PTPRA: variants seen among roughly 807,000 people sequenced by gnomAD.
PTPRA encodes protein tyrosine phosphatase receptor type A.
A neutral mutation model predicts 104.8 loss-of-function variants in PTPRA; 25 were observed. The ratio of observed to expected loss-of-function variants is 0.24; its 90% CI spans 0.17 to 0.33. The LOEUF is 0.33. Among genes scored for constraint, PTPRA ranks in the 10% least tolerant of loss-of-function variants. The probability of loss-of-function intolerance (pLI) is 1.00; values close to 1 mark genes in which losing one functional copy is unlikely to be tolerated. For synonymous variants in PTPRA, 323 were observed against 368.9 expected, an observed-to-expected ratio of 0.88 and a Z score of 1.43; for missense variants, 765 against 1,015.3, an observed-to-expected ratio of 0.75 and a Z score of 3.35.
At chr20:2,985,593 TG>T (rs2062865610) in intron 6 of PTPRA, among the ~76,000 whole-genome samples, 1 of 151,952 alleles carries the variant, frequency 6.6e-6, no homozygotes, top group African/African-American at 2.4e-5. Context: ...GGCTAGGTAT[TG>T]GGTGAAAGGG....
intron 2 of PTPRA, among the ~76,000 whole-genome samples, chr20:2,932,707 A>G (rs1325278921): frequency 6.6e-6 from 1 of 152,206 alleles, no homozygotes; most frequent in Non-Finnish European, 1.5e-5. Context: ...CAAAGGAAGG[A>G]TATGTTTTCT....
chr20:2,902,743 T>A (rs1177038110), intron 1 of PTPRA, among the ~76,000 whole-genome samples: 1 of 152,216 alleles, frequency 6.6e-6, no homozygotes, highest in Non-Finnish European at 1.5e-5. Flanking sequence ...GATTTTAATT[T>A]GAGAATTTTA....
At chr20:2,938,291 TCTC>T (rs1217781319) in intron 2 of PTPRA, among the ~76,000 whole-genome samples, 12 of 152,114 alleles carry the variant, frequency 7.9e-5, no homozygotes, top group Admixed American at 7.9e-4. Context: ...TTCAAGCAAT[TCTC>T]CTGCGTCAGC....
At chr20:2,913,343 A>G (rs1006344889) in intron 1 of PTPRA, among the ~76,000 whole-genome samples, 1 of 152,196 alleles carries the variant, frequency 6.6e-6, no homozygotes, top group African/African-American at 2.4e-5. Context: ...GTGTCACTGC[A>G]TTCCAGCCTG....
At chr20:2,988,746 GT>G (rs1462257181) in intron 9 of PTPRA, among the ~76,000 whole-genome samples, 1 of 152,184 alleles carries the variant, frequency 6.6e-6, no homozygotes, top group East Asian at 1.9e-4. Context: ...TCTAATATTT[GT>G]CAGGTAATAT....
At chr20:2,972,894 T>C (rs1327732836) in intron 5 of PTPRA, among the ~76,000 whole-genome samples, 1 of 151,640 alleles carries the variant, frequency 6.6e-6, no homozygotes, top group African/African-American at 2.4e-5. Context: ...ATTTTTTGTA[T>C]TTTTTTGTAG....
At chr20:3,026,009 G>T (rs1270853382) in intron 17 of PTPRA, among the ~76,000 whole-genome samples, 1 of 150,356 alleles carries the variant, frequency 6.7e-6, no homozygotes, top group Non-Finnish European at 1.5e-5. Context: ...GCAATGGCGC[G>T]ATCTCAGCTC....
At chr20:2,953,311 G>C (rs1231482076) in intron 3 of PTPRA, among the ~76,000 whole-genome samples, 1 of 151,744 alleles carries the variant, frequency 6.6e-6, no homozygotes, top group Admixed American at 6.6e-5. Context: ...CTGAAGTGTA[G>C]TGGCGCAATC....
intron 1 of PTPRA, among the ~76,000 whole-genome samples, chr20:2,902,041 A>G (rs115603586): frequency 0.042 from 6,434 of 151,914 alleles, 314 homozygotes; most frequent in Admixed American, 0.11. Context: ...GAGCATTACC[A>G]CACTGGCTAA....
chr20:2,943,409 C>G (rs988322794), intron 2 of PTPRA, among the ~76,000 whole-genome samples: 1 of 152,112 alleles, frequency 6.6e-6, no homozygotes, highest in African/African-American at 2.4e-5. Context: ...GGAGAATTCC[C>G]TCTTGCGTGG....
intron 3 of PTPRA, among the ~76,000 whole-genome samples, chr20:2,951,042 C>T (rs2061335708): frequency 6.6e-6 from 1 of 152,122 alleles, no homozygotes; most frequent in African/African-American, 2.4e-5. Flanking sequence ...GAGTTTTATA[C>T]AAGTGAAATC....
At chr20:3,018,167 C>T (rs1301322381) in intron 13 of PTPRA, among the ~76,000 whole-genome samples, 1 of 152,192 alleles carries the variant, frequency 6.6e-6, no homozygotes, top group Non-Finnish European at 1.5e-5. Flanking sequence ...AAGAGACTGA[C>T]TTGGGCCATC....
chr20:2,938,201 T>C (rs2060778105), intron 2 of PTPRA, among the ~76,000 whole-genome samples: 1 of 152,126 alleles, frequency 6.6e-6, no homozygotes, highest in Non-Finnish European at 1.5e-5. Context: ...TTTCCTTTTT[T>C]TGAGACGGAG....
chr20:2,894,368 T>TA (rs1370592601), intron 1 of PTPRA, among the ~76,000 whole-genome samples: 1 of 152,220 alleles, frequency 6.6e-6, no homozygotes, highest in East Asian at 1.9e-4. Flanking sequence ...CAAACCCAAA[T>TA]ACGTTTTTCA....
At position 3,022,147 on chromosome 20, in the gene PTPRA, G is replaced by A; in HGVS notation, c.1255G>A (p.Gly419Ser). The change falls in exon 15 of 24, where the codon GGC becomes AGC. Residue 419 changes from glycine (G) to serine (S), a missense_variant. Gly to Ser is a moderately conservative substitution (Grantham distance 56). Transcript: ENST00000399903. The surrounding 1 kb of genome is among the most constrained non-coding windows in gnomAD (Gnocchi z 4.6). Reference sequence around the variant, plus strand: ...CTTTGGGGTGCCTTTTACCCCGATCGGCATGCTCAAGTTCCTCAAGAAGGT... The same window carrying A: ...CTTTGGGGTGCCTTTTACCCCGATCAGCATGCTCAAGTTCCTCAAGAAGGT... ...PDFGVPFTPI[G>S]MLKFLKKVKA... The A allele has an allele frequency of 6.2e-7, 1 of 1,614,164 alleles. No individual in the cohort carries two copies. Among genetic ancestry groups the A allele is most frequent in the African/African-American group, 1.3e-5 (1 of 75,034 alleles).
chr20:2,986,914 C>T, intron 7 of PTPRA, 65 bp downstream of exon 7: 2 of 1,374,542 alleles, frequency 1.5e-6, no homozygotes, highest in Non-Finnish European at 2.1e-6. Context: ...CCCAATGAAC[C>T]CACACAGTCC....
the PTPRA span, chr20:2,866,681 C>T: frequency 1.4e-5 from 21 of 1,504,016 alleles, 1 homozygote; most frequent in Admixed American, 1.2e-4. Context: ...TGCTGAGGAG[C>T]GGGGGCATGG....
At chr20:2,875,580 T>C (rs1341685260) in intron 1 of PTPRA, among the ~76,000 whole-genome samples, 5 of 152,214 alleles carry the variant, frequency 3.3e-5, no homozygotes, top group Admixed American at 6.5e-5. Flanking sequence ...GAGTCTAATG[T>C]AGGACAGGTG....
intron 6 of PTPRA, among the ~76,000 whole-genome samples, chr20:2,979,552 A>G (rs2062583609): frequency 6.6e-6 from 1 of 152,094 alleles, no homozygotes; most frequent in Non-Finnish European, 1.5e-5. Flanking sequence ...GCTGGGGCAG[A>G]CTCATGCTCT....
Sources: allele counts gnomAD v4.1 joint callset (sites outside exome capture counted in the v4.1 genomes callset), GRCh38; gene constraint gnomAD v4.1.1; non-coding constraint Gnocchi (gnomAD v3.1); transcripts MANE v1.5; gene names NCBI Gene and HGNC (gene_info 2026-07-23, HGNC 2026-07-21).